The following DCC variants were observed in gnomAD, a reference collection of about 807,000 sequenced individuals.
DCC encodes DCC netrin 1 receptor.
Under a neutral mutation model 172.5 loss-of-function variants are expected in DCC, and 58 were observed. That is an observed-to-expected ratio of 0.34 (90% CI 0.27 to 0.42). The LOEUF (loss-of-function observed/expected upper bound fraction) is 0.42. DCC is among the 10% of genes least tolerant of loss of function. The pLI is 1.00. For synonymous variants in DCC, 709 were observed against 644.5 expected (o/e 1.10, Z -1.52); for missense variants, 1,740 against 1,791.0 (o/e 0.97, Z 0.51).
chr18:53,460,372 C>T (rs151159457), intron 24 of DCC, among the ~76,000 whole-genome samples: 3,054 of 143,188 alleles, frequency 0.021, 64 homozygotes, highest in Middle Eastern at 0.06. Flanking sequence ...TGCTGGTGCG[C>T]TGCACCCACT....
intron 12 of DCC, among the ~76,000 whole-genome samples, chr18:53,247,279 A>G (rs2056376409): frequency 6.6e-6 from 1 of 152,048 alleles, no homozygotes; most frequent in South Asian, 2.1e-4. Flanking sequence ...TCCTAAGTCT[A>G]AGGAAGCTGA....
chr18:53,095,510 T>C lies in DCC; in HGVS notation c.1261+29344T>C, dbSNP rs114320146. Reference sequence around the variant, plus strand: ...AACATAAATGTATTATTTTAAATTCTAAAGGCTAGAAGTCTAAATTCAGTC... The same window carrying C: ...AACATAAATGTATTATTTTAAATTCCAAAGGCTAGAAGTCTAAATTCAGTC... On this transcript the variant is annotated intron_variant, in intron 7 of 28. Transcript: ENST00000442544. 4.6e-3 allele frequency among the ~76,000 whole-genome samples: 699 copies of C among 152,316 alleles called. 8 individuals are homozygous for C. Among genetic ancestry groups the C allele is most frequent in the African/African-American group, 0.016 (652 of 41,572 alleles).
At chr18:52,918,015 T>C (rs1001122070) in intron 3 of DCC, among the ~76,000 whole-genome samples, 1 of 152,176 alleles carries the variant, frequency 6.6e-6, no homozygotes, top group Non-Finnish European at 1.5e-5. Flanking sequence ...ATAAAACTAT[T>C]GTCAAATATG....
At chr18:53,325,117 C>T (rs781185020) in intron 14 of DCC, among the ~76,000 whole-genome samples, 1 of 139,146 alleles carries the variant, frequency 7.2e-6, no homozygotes, top group Non-Finnish European at 1.5e-5. Flanking sequence ...TGCTTGAACC[C>T]GGGAGGCAGA....
intron 1 of DCC, among the ~76,000 whole-genome samples, chr18:52,413,554 A>G (rs2144409193): frequency 6.6e-6 from 1 of 152,068 alleles, no homozygotes; most frequent in African/African-American, 2.4e-5. Flanking sequence ...TGGTGGTTGA[A>G]TATAGAGCAA....
At position 53,120,309 on chromosome 18, in the gene DCC, C is replaced by T. The variant is rs940302377; in HGVS notation, c.1262-37047C>T. Among the ~76,000 whole-genome samples the T allele has an allele frequency of 1.8e-4, 27 of 151,342 alleles. No individual in the cohort carries two copies. The Admixed American group carries it at 1.8e-3, about 10-fold the overall frequency. On this transcript the variant is annotated intron_variant, in intron 7 of 28. Transcript: ENST00000442544. Reference sequence around the variant, plus strand: ...TAGAATAAAAACATTTATAGAATTGCGTTTTAAATTTAGAATATAACCTTA... The same window carrying T: ...TAGAATAAAAACATTTATAGAATTGTGTTTTAAATTTAGAATATAACCTTA...
chr18:53,414,204 C>T (rs774842983), intron 20 of DCC, among the ~76,000 whole-genome samples: 9 of 152,086 alleles, frequency 5.9e-5, no homozygotes, highest in Non-Finnish European at 8.8e-5. Context: ...TTTCAGAGAG[C>T]ACCAAATTCT....
intron 5 of DCC, among the ~76,000 whole-genome samples, chr18:52,958,215 ATTTAT>A (rs1194973704): frequency 2.0e-5 from 3 of 151,920 alleles, no homozygotes; most frequent in Non-Finnish European, 2.9e-5. Flanking sequence ...ATTTTGTATG[ATTTAT>A]TTTATAGCAT....
chr18:52,403,268 T>G (rs1278491090), intron 1 of DCC, among the ~76,000 whole-genome samples: 2 of 152,026 alleles, frequency 1.3e-5, no homozygotes, highest in African/African-American at 4.8e-5. Context: ...GTGACATATC[T>G]CAGATTTGTC....
chr18:53,308,728 T>C (rs1204132734), intron 13 of DCC, among the ~76,000 whole-genome samples: 3 of 152,290 alleles, frequency 2.0e-5, no homozygotes, highest in East Asian at 1.9e-4. Context: ...GGTAAAATCA[T>C]TGAAAAAACG....
At chr18:53,072,788 A>G (rs943341575) in intron 7 of DCC, among the ~76,000 whole-genome samples, 11 of 152,204 alleles carry the variant, frequency 7.2e-5, no homozygotes, top group African/African-American at 2.7e-4. Context: ...TTAATATTGC[A>G]TATTTGGCTG....
chr18:52,789,687 T>A (rs2037723927), intron 2 of DCC, among the ~76,000 whole-genome samples: 1 of 152,160 alleles, frequency 6.6e-6, no homozygotes, highest in Admixed American at 6.5e-5. Context: ...AAGCAGCTTT[T>A]GAAACTGTCA....
At chr18:52,371,874 G>T (rs1284081522) in intron 1 of DCC, among the ~76,000 whole-genome samples, 1 of 152,206 alleles carries the variant, frequency 6.6e-6, no homozygotes, top group African/African-American at 2.4e-5. Flanking sequence ...CCTAGTCCTG[G>T]CTGTGGGTGT....
intron 5 of DCC, among the ~76,000 whole-genome samples, chr18:53,020,342 A>G (rs2041862650): frequency 6.6e-6 from 1 of 152,194 alleles, no homozygotes; most frequent in Non-Finnish European, 1.5e-5. Context: ...AACATATTGC[A>G]GAGCCAAGGA....
intron 1 of DCC, among the ~76,000 whole-genome samples, chr18:52,464,387 A>G (rs1988722162): frequency 6.6e-6 from 1 of 152,142 alleles, no homozygotes; most frequent in Non-Finnish European, 1.5e-5. Flanking sequence ...AAATATATTC[A>G]GATGTCAGCA....
intron 2 of DCC, among the ~76,000 whole-genome samples, chr18:52,876,160 G>A (rs990149122): frequency 5.3e-5 from 8 of 152,054 alleles, no homozygotes; most frequent in South Asian, 4.2e-4. Flanking sequence ...ACAATAGAGG[G>A]CAACTAAATC....
At chr18:53,102,482 T>C (rs1200131922) in intron 7 of DCC, among the ~76,000 whole-genome samples, 1 of 152,122 alleles carries the variant, frequency 6.6e-6, no homozygotes, top group Non-Finnish European at 1.5e-5. Context: ...TTATAAGTTA[T>C]ATAAAAGCCC....
intron 7 of DCC, among the ~76,000 whole-genome samples, chr18:53,139,972 T>A (rs2043806015): frequency 6.6e-6 from 1 of 152,100 alleles, no homozygotes; most frequent in Admixed American, 6.5e-5. Context: ...GCTTACTGAA[T>A]CCCCATTACC....
chr18:53,439,838 C>T (rs1238199115), intron 22 of DCC, among the ~76,000 whole-genome samples: 4 of 141,650 alleles, frequency 2.8e-5, no homozygotes, highest in Non-Finnish European at 4.6e-5. Flanking sequence ...GATCTCGGCT[C>T]ACTGCAAGCT....
Sources: gnomAD v4.1 joint callset for allele counts (sites outside exome capture counted in the v4.1 genomes callset) on GRCh38, gnomAD v4.1.1 for gene constraint, MANE v1.5 for transcripts, NCBI Gene and HGNC (gene_info 2026-07-23, HGNC 2026-07-21) for gene names.